Variants in NEB observed in about 807,000 individuals in gnomAD.
NEB encodes the protein nemaline myopathy type 2.
A neutral mutation model predicts 952.2 loss-of-function variants in NEB; 512 were observed. The observed-to-expected ratio is 0.54, with a 90% CI of 0.50 to 0.58. The LOEUF is 0.58. Ranked by LOEUF, NEB falls within the 20% of genes least tolerant of loss-of-function variation. The pLI is 0.00. For synonymous variants in NEB, 2,900 were observed against 3,149.8 expected, an observed-to-expected ratio of 0.92 and a Z score of 2.66; for missense variants, 8,428 against 9,231.1, an observed-to-expected ratio of 0.91 and a Z score of 3.56.
rs752364121 is a variant in NEB at position 151,527,038 on chromosome 2, G to A, written c.21841-16C>T. The A allele has an allele frequency of 1.4e-5, 21 of 1,545,578 alleles. No homozygotes were observed. The highest frequency in any genetic ancestry group is 1.9e-5 in the Non-Finnish European group (21 of 1,131,838). On this transcript the variant is annotated splice_polypyrimidine_tract_variant and intron_variant, in intron 147 of 181. Coordinates refer to ENST00000397345, the MANE Select transcript of NEB (RefSeq NM_001164508.2). ...TATATTCAAACTGTGATAGAAGAAAGGCAGAAGAAAAGGGAAGGGTGACAG... is the reference window on the plus strand; with the variant it reads ...TATATTCAAACTGTGATAGAAGAAAAGCAGAAGAAAAGGGAAGGGTGACAG...
intron 135 of NEB, among the ~76,000 whole-genome samples, chr2:151,542,253 G>T (rs1010224039): frequency 3.9e-5 from 6 of 152,020 alleles, no homozygotes; most frequent in Non-Finnish European, 5.9e-5. Flanking sequence ...TCATGCAAAG[G>T]CTGCTGTTAA....
At chr2:151,488,618 C>T (rs2053287010) in intron 181 of NEB, among the ~76,000 whole-genome samples, 1 of 151,978 alleles carries the variant, frequency 6.6e-6, no homozygotes, top group Non-Finnish European at 1.5e-5. Context: ...CACACTGCAG[C>T]CTGGGTGATA....
intron 161 of NEB, among the ~76,000 whole-genome samples, chr2:151,510,939 G>A (rs527832195): frequency 6.6e-6 from 1 of 152,316 alleles, no homozygotes; most frequent in East Asian, 1.9e-4. Context: ...CAAGTTTGTG[G>A]AAACACAAGC....
intron 181 of NEB, among the ~76,000 whole-genome samples, chr2:151,488,266 A>G (rs2052792521): frequency 6.6e-6 from 1 of 152,120 alleles, no homozygotes; most frequent in Non-Finnish European, 1.5e-5. Context: ...TGTTATAGAA[A>G]CATTTAAAAT....
rs2097886989 is a variant in NEB at position 151,609,959 on chromosome 2, G to A, written c.12180C>T (p.Ser4060=). ...EFQKWKTKFS[S]PVDMLSILLA... is the part of the protein sequence containing the mutation. ...GCAAGATGCTTAACATGTCCACTGG[G>A]CTAGAGAACTTGGTTTTCCACTTTT... Residue 4060 remains serine (S), a synonymous_variant, in exon 81 of 182, where the codon AGC becomes AGT. Coordinates refer to ENST00000397345, the MANE Select transcript of NEB (RefSeq NM_001164508.2). 3 of 1,613,988 alleles carry A rather than the reference G, an allele frequency of 1.9e-6. No homozygotes were observed. The highest frequency in any genetic ancestry group is 4.5e-5 in the East Asian group (2 of 44,868).
At chr2:151,505,657 C>T in intron 164 of NEB, 87 bp from the exon 165 acceptor site, 1 of 1,132,812 alleles carries the variant, frequency 8.8e-7, no homozygotes, top group Non-Finnish European at 1.3e-6. Context: ...TTGTAGCCCC[C>T]AAATTAAAAA....
At chr2:151,566,714 T>C (rs2096415629) in intron 114 of NEB, among the ~76,000 whole-genome samples, 1 of 152,234 alleles carries the variant, frequency 6.6e-6, no homozygotes, top group African/African-American at 2.4e-5. Context: ...GTTTCTCTTT[T>C]GCTTTGCGAA....
chr2:151,489,517 A>G (rs978148029), intron 181 of NEB, among the ~76,000 whole-genome samples: 4 of 152,076 alleles, frequency 2.6e-5, no homozygotes, highest in East Asian at 1.9e-4. Context: ...TCCCACCTCA[A>G]CTTCCTCAGT....
chr2:151,650,316 C>T lies in NEB; in HGVS notation c.7291G>A (p.Glu2431Lys), dbSNP rs767302772. The T allele has an allele frequency of 3.2e-5, 51 of 1,613,866 alleles. No homozygotes were observed. Among genetic ancestry groups the T allele is most frequent in the Non-Finnish European group, 4.3e-5 (51 of 1,179,836 alleles). ...GIGWSPLGSL[E>K]AEKNKRASEI... The stretch of plus-strand genomic sequence containing the variant: ...GAAGCCCGCTTGTTCTTTTCTGCCT[C>T]TAAAGAACCCAAGGGACTCCATCCT... The change falls in exon 54 of 182, where the codon GAG (glutamate) becomes AAG (lysine). Residue 2431 changes from glutamate to lysine, a missense_variant. Glu to Lys is a moderately conservative substitution (Grantham distance 56, BLOSUM62 1). Around this residue, in one of 11 missense-constraint regions of NEB, gnomAD observed 1,772 missense variants for 1,960.3 expected, o/e 0.90. Transcript: ENST00000397345.
rs1559150782 is a variant in NEB at position 151,678,020 on chromosome 2, A to G, written c.3423T>C (p.His1141=). 2 of 1,613,660 alleles carry G rather than the reference A, an allele frequency of 1.2e-6. No individual in the cohort carries two copies. Among genetic ancestry groups the G allele is most frequent in the African/African-American group, 1.3e-5 (1 of 75,012 alleles). Residue 1141 remains histidine (H), a synonymous_variant, in exon 33 of 182, where the codon CAT becomes CAC. Coordinates refer to ENST00000397345, the MANE Select transcript of NEB (RefSeq NM_001164508.2). ...EKTKSKYNTP[H]DMFNVVAAKK... is the part of the protein sequence containing the mutation. The stretch of plus-strand genomic sequence containing the variant: ...TAGCCGCCACGACATTGAACATATC[A>G]TGGGGCGTGTTGTATTTGGACTTTG...
At chr2:151,568,993 G>T (rs896070221) in intron 110 of NEB, among the ~76,000 whole-genome samples, 1 of 151,982 alleles carries the variant, frequency 6.6e-6, no homozygotes, top group African/African-American at 2.4e-5. Flanking sequence ...TTTTTCCAAC[G>T]AAACAAACTT....
chr2:151,695,618 G>C lies in NEB; in HGVS notation c.1634C>G (p.Ala545Gly), dbSNP rs2099590453. 6.2e-7 allele frequency: 1 copy of C among 1,613,884 alleles called. No homozygotes were observed. Among genetic ancestry groups the C allele is most frequent in the Non-Finnish European group, 8.5e-7 (1 of 1,179,824 alleles). ...FKCHIPPDTP[A>G]FIQHKVNAYN... is the part of the protein sequence containing the mutation. ...GGCATTGACTTTGTGCTGGATAAAA[G>C]CAGGAGTATCAGGGGGGATATGGCA... Residue 545 changes from alanine (A) to glycine (G), a missense_variant, in exon 18 of 182, where the codon GCT becomes GGT. By Grantham distance (60) the Ala-to-Gly change is moderately conservative. This residue lies in a region of NEB where 2,851 missense variants were observed against 2,791.5 expected (regional missense o/e 1.02). Transcript: ENST00000397345.
rs1168432697 is a variant in NEB, at chr2:151,609,076, C to T, written c.12331-400G>A. On this transcript the variant is annotated intron_variant, in intron 81 of 181. Transcript: ENST00000397345. ...GTACATCATTGTGACACTGGAAATC[C>T]CTTTTGTGATCATAAGTTGAAGTCG... 4.6e-5 allele frequency among the ~76,000 whole-genome samples: 7 copies of T among 150,802 alleles called. 1 individual carries two copies. In the East Asian group the frequency reaches 1.4e-3, roughly 29 times the overall value.
Position 151,663,696 on chromosome 2 carries a change from G to C in NEB, c.5615C>G (p.Pro1872Arg), listed in dbSNP as rs760925535. The C allele has an allele frequency of 3.7e-6, 6 of 1,613,736 alleles. No homozygotes were observed. The South Asian group carries it at 5.5e-5, about 15-fold the overall frequency. The change falls in exon 45 of 182, where the codon CCG becomes CGG. Residue 1872 changes from proline (P) to arginine (R), a missense_variant. This residue lies in a region of NEB where 2,851 missense variants were observed against 2,791.5 expected (regional missense o/e 1.02). Transcript: ENST00000397345. ...YEKSKTSFHT[P>R]VDMLSVVAAK... ...TGCCACCACACTGAGCATGTCCACC[G>C]GGGTGTGGAAGGAGGTCTTGGATTT...
rs1487511508 is a variant in NEB, at chr2:151,607,412, T to G, written c.12639+92A>C. On this transcript the variant is annotated intron_variant, in intron 83 of 181. Coordinates refer to ENST00000397345, the MANE Select transcript of NEB (RefSeq NM_001164508.2). ...GTCTAGCACCAAAAGCCACAAACAT[T>G]GCAAGGTAGGTAATTTGTCACTATA... 7 of 682,340 alleles carry G rather than the reference T, an allele frequency of 1.0e-5. 1 individual carries two copies. In the African/African-American group the frequency reaches 1.1e-4, roughly 10 times the overall value. 42.3% of individuals were successfully genotyped at this position (682,340 alleles called of 1,614,324 possible).
rs1020014562 is a variant in NEB at position 151,658,935 on chromosome 2, C to G, written c.6075+130G>C. The G allele has an allele frequency of 3.7e-6, 3 of 801,342 alleles. No individual in the cohort carries two copies. The African/African-American group carries it at 5.1e-5, about 14-fold the overall frequency. 49.6% of individuals were successfully genotyped at this position (801,342 alleles called of 1,614,324 possible). A position where few individuals can be genotyped will look rare whatever the true frequency, so the allele number is the denominator to read the frequency against. ...TCCGCAAAGCAAAATTAGAAAGAGT[C>G]TCATGTGTGGATTTCCACCATTATT... On this transcript the variant is annotated intron_variant, in intron 47 of 181. Transcript: ENST00000397345.
Position 151,680,846 on chromosome 2 carries a change from AAG to A in NEB, c.2944-20_2944-19del, listed in dbSNP as rs2099408915. The A allele has an allele frequency of 6.4e-7, 1 of 1,561,406 alleles. No homozygotes were observed. The highest frequency in any genetic ancestry group is 1.7e-5 in the Admixed American group (1 of 59,900). On this transcript the variant is annotated intron_variant, in intron 29 of 181. Coordinates refer to ENST00000397345, the MANE Select transcript of NEB (RefSeq NM_001164508.2). ...TATTTTTTCTGTTTGGCAAATCAAA[AAG>A]AGAAAAACAATCTTGTTTTCCACTG...
intron 20 of NEB, among the ~76,000 whole-genome samples, chr2:151,693,846 A>C (rs1273535646): frequency 6.6e-6 from 1 of 152,108 alleles, no homozygotes; most frequent in Non-Finnish European, 1.5e-5. Flanking sequence ...TATTCTATAA[A>C]TTTCTTAAAA....
In NEB at chr2:151,560,718, T is replaced by G. The variant is rs900169430; in HGVS notation, c.19207-19A>C. ...ACAGGTTCTGCAGGAATTAAAGACC[T>G]TCTTGTGAATATGGGAAAATGCATC... On this transcript the variant is annotated intron_variant, in intron 123 of 181. Transcript: ENST00000397345. 6.4e-7 allele frequency: 1 copy of G among 1,569,412 alleles called. No homozygotes were observed. Among genetic ancestry groups the G allele is most frequent in the African/African-American group, 1.4e-5 (1 of 73,936 alleles).
Sources: gnomAD v4.1 joint callset for allele counts (sites outside exome capture counted in the v4.1 genomes callset) on GRCh38, gnomAD v4.1.1 for gene constraint, gnomAD v4.1.1 regional missense constraint, MANE v1.5 for transcripts, NCBI Gene and HGNC (gene_info 2026-07-23, HGNC 2026-07-21) for gene names.